The following MECOM variants were observed in gnomAD, a reference collection of about 807,000 sequenced individuals.
MECOM encodes the protein histone-lysine N-methyltransferase MECOM.
MECOM carries 13 observed loss-of-function variants against 116.3 expected under a neutral mutation model. The observed-to-expected ratio is 0.11, with a 90% CI of 0.07 to 0.18. The LOEUF is 0.18. MECOM is among the 10% of genes least tolerant of loss of function. MECOM has a pLI of 1.00. For synonymous variants in MECOM, 528 were observed against 535.2 expected (o/e 0.99, Z 0.19); for missense variants, 1,299 against 1,509.0 (o/e 0.86, Z 2.31).
At chr3:169,621,192 A>C (rs1203165652) in intron 1 of MECOM, among the ~76,000 whole-genome samples, 1 of 152,222 alleles carries the variant, frequency 6.6e-6, no homozygotes, top group African/African-American at 2.4e-5. Context: ...TGTTAATTTG[A>C]AACTTTGCTC....
intron 1 of MECOM, among the ~76,000 whole-genome samples, chr3:169,423,239 C>T (rs1256096998): frequency 1.3e-5 from 2 of 152,006 alleles, no homozygotes; most frequent in Admixed American, 6.6e-5. Context: ...TCACAAAAGG[C>T]AGAAGTTTCT....
intron 2 of MECOM, among the ~76,000 whole-genome samples, chr3:169,320,815 C>G (rs1720718694): frequency 6.6e-6 from 1 of 152,008 alleles, no homozygotes; most frequent in Non-Finnish European, 1.5e-5. Flanking sequence ...TTTGTTTTTG[C>G]TTCATTATTA....
intron 1 of MECOM, among the ~76,000 whole-genome samples, chr3:169,422,398 T>G (rs755051972): frequency 6.6e-6 from 1 of 152,106 alleles, no homozygotes; most frequent in Non-Finnish European, 1.5e-5. Context: ...ATAATGCAAC[T>G]GAGTTTACAC....
intron 16 of MECOM, among the ~76,000 whole-genome samples, chr3:169,086,764 C>T (rs1717893741): frequency 6.6e-6 from 1 of 152,134 alleles, no homozygotes; most frequent in South Asian, 2.1e-4. Flanking sequence ...TACTATTGTA[C>T]TGGTCAACTA....
At chr3:169,130,016 T>C (rs1392722028) in intron 4 of MECOM, among the ~76,000 whole-genome samples, 1 of 152,190 alleles carries the variant, frequency 6.6e-6, no homozygotes, top group Non-Finnish European at 1.5e-5. Context: ...ATACAAATCA[T>C]CATTTAAATA....
intron 2 of MECOM, among the ~76,000 whole-genome samples, chr3:169,277,716 T>C (rs1218864046): frequency 3.9e-5 from 6 of 152,218 alleles, no homozygotes; most frequent in Admixed American, 3.9e-4. Flanking sequence ...CCAATATTTA[T>C]TACTTTGGTT....
At chr3:169,243,831 C>G (rs529179384) in intron 2 of MECOM, among the ~76,000 whole-genome samples, 7 of 152,136 alleles carry the variant, frequency 4.6e-5, no homozygotes, top group Non-Finnish European at 5.9e-5. Flanking sequence ...AACCTAAATG[C>G]AAAATTTTAC....
rs1311905201 is a variant in MECOM, at chr3:169,121,165, C to T, written c.1023G>A (p.Gln341=). 1.2e-6 allele frequency: 2 copies of T among 1,613,196 alleles called. No individual in the cohort carries two copies. The highest frequency in any genetic ancestry group is 1.7e-6 in the Non-Finnish European group (2 of 1,179,684). ...PSNLQRHIRS[Q]HVGARAHACP... The stretch of plus-strand genomic sequence containing the variant: ...ATGCATGGGCCCGGGCACCGACATG[C>T]TGAGAGCGAATGTGCCGCTGAAGGT... Residue 341 remains glutamine, a synonymous_variant, in exon 7 of 17, where the codon CAG becomes CAA. Coordinates refer to ENST00000651503, the MANE Select transcript of MECOM (RefSeq NM_004991.4).
At chr3:169,365,042 C>G (rs1444368421) in intron 2 of MECOM, among the ~76,000 whole-genome samples, 1 of 151,834 alleles carries the variant, frequency 6.6e-6, no homozygotes, top group Non-Finnish European at 1.5e-5. Flanking sequence ...GAGTATCATC[C>G]ATTGGGCAAG....
intron 1 of MECOM, among the ~76,000 whole-genome samples, chr3:169,535,095 T>G (rs73174345): frequency 0.076 from 11,605 of 152,218 alleles, 523 homozygotes; most frequent in African/African-American, 0.12. Flanking sequence ...CTGGGCCAAC[T>G]TTCCCTGAAC....
intron 2 of MECOM, among the ~76,000 whole-genome samples, chr3:169,339,179 T>G (rs553235170): frequency 6.6e-6 from 1 of 152,328 alleles, no homozygotes; most frequent in Non-Finnish European, 1.5e-5. Flanking sequence ...ATTATCTGTC[T>G]TATAACTTAC....
At chr3:169,107,787 G>A in intron 10 of MECOM, 139 bp downstream of exon 10, 5 of 616,300 alleles carry the variant, frequency 8.1e-6, no homozygotes, top group Non-Finnish European at 2.8e-6. Context: ...TGAGAAAGCA[G>A]GGAAACTATC....
rs532974391 is a variant in MECOM, at chr3:169,510,758, C to T, written c.38-129234G>A. Reference sequence around the variant, plus strand: ...AGAGCAGAAAAATGCAGTGTGGTCACTGGAATATCTAATCTCTGCGGACAC... The same window carrying T: ...AGAGCAGAAAAATGCAGTGTGGTCATTGGAATATCTAATCTCTGCGGACAC... On this transcript the variant is annotated intron_variant, in intron 1 of 16. Coordinates refer to ENST00000651503, the MANE Select transcript of MECOM (RefSeq NM_004991.4). Among the ~76,000 whole-genome samples, 17 of 152,302 alleles carry T rather than the reference C, an allele frequency of 1.1e-4. No individual in the cohort carries two copies. The South Asian group carries it at 3.3e-3, about 30-fold the overall frequency.
chr3:169,549,813 G>A (rs962820961), intron 1 of MECOM, among the ~76,000 whole-genome samples: 4 of 152,214 alleles, frequency 2.6e-5, no homozygotes, highest in African/African-American at 4.8e-5. Flanking sequence ...GACCCTCATA[G>A]GCTTATGAGT....
chr3:169,325,968 A>G (rs2149762414), intron 2 of MECOM, among the ~76,000 whole-genome samples: 1 of 152,342 alleles, frequency 6.6e-6, no homozygotes, highest in Non-Finnish European at 1.5e-5. Flanking sequence ...CACTAGACAT[A>G]GCAATATGAA....
intron 2 of MECOM, among the ~76,000 whole-genome samples, chr3:169,243,810 A>T (rs1200851587): frequency 6.6e-6 from 1 of 152,244 alleles, no homozygotes; most frequent in African/African-American, 2.4e-5. Flanking sequence ...ACTTAAACTC[A>T]TGAGGGTAAA....
At chr3:169,627,232 G>A (rs544115539) in intron 1 of MECOM, among the ~76,000 whole-genome samples, 1 of 152,320 alleles carries the variant, frequency 6.6e-6, no homozygotes, top group South Asian at 2.1e-4. Flanking sequence ...ACTATGTCGT[G>A]AGGTTTGAAG....
In MECOM at chr3:169,542,306, T is replaced by C. The variant is rs571962043; in HGVS notation, c.37+121030A>G. 1.9e-4 allele frequency among the ~76,000 whole-genome samples: 29 copies of C among 151,044 alleles called. 2 individuals carry two copies. In the South Asian group the frequency reaches 5.5e-3, roughly 29 times the overall value. ...CCAAAAAGGGATTGTTTTCTTTTAA[T>C]GTTTTGTTTTGTCTTCTAGAAAAAA... On this transcript the variant is annotated intron_variant, in intron 1 of 16. Transcript: ENST00000651503.
At chr3:169,280,212 C>A (rs1711633226) in intron 2 of MECOM, among the ~76,000 whole-genome samples, 1 of 152,204 alleles carries the variant, frequency 6.6e-6, no homozygotes, top group African/African-American at 2.4e-5. Flanking sequence ...TGCCATTGGT[C>A]AAGATCAGCT....
Sources: gnomAD v4.1 joint callset for allele counts (sites outside exome capture counted in the v4.1 genomes callset) on GRCh38, gnomAD v4.1.1 for gene constraint, MANE v1.5 for transcripts, NCBI Gene and HGNC (gene_info 2026-07-23, HGNC 2026-07-21) for gene names.